Variants in PI4KA observed in about 807,000 individuals in gnomAD.
PI4KA encodes the protein PI4-kinase alpha.
In PI4KA, 122 loss-of-function variants were observed where a neutral mutation model predicts 271.4. That is an observed-to-expected ratio of 0.45 (90% CI 0.39 to 0.52). PI4KA has a LOEUF of 0.52. PI4KA is among the 20% of genes least tolerant of loss of function. The probability of loss-of-function intolerance (pLI) is 0.00; values close to 1 mark genes in which losing one functional copy is unlikely to be tolerated. For missense variants in PI4KA, 1,969 were observed against 2,769.1 expected, an observed-to-expected ratio of 0.71 and a Z score of 6.48; for synonymous variants, 1,041 against 1,078.8, an observed-to-expected ratio of 0.96 and a Z score of 0.69.
At chr22:20,758,376 A>C (rs1002972170) in intron 23 of PI4KA, among the ~76,000 whole-genome samples, 7 of 147,874 alleles carry the variant, frequency 4.7e-5, no homozygotes, top group South Asian at 4.3e-4. Flanking sequence ...AAAAAAAAAA[A>C]AAAAAAAAAA....
chr22:20,732,810 G>A (rs1291286731), intron 36 of PI4KA, among the ~76,000 whole-genome samples, 161 bp downstream of exon 36: 1 of 152,224 alleles, frequency 6.6e-6, no homozygotes, highest in South Asian at 2.1e-4. Flanking sequence ...AGCAGAGCCA[G>A]GCATGCACCG....
At chr22:20,744,754 C>T (rs368834560) in intron 29 of PI4KA, 34 bp from the exon 30 acceptor site, 2 of 1,531,010 alleles carry the variant, frequency 1.3e-6, no homozygotes, top group Admixed American at 1.7e-5. Context: ...TAGACTATGG[C>T]AGCACTATCC....
In PI4KA at chr22:20,824,325, C is replaced by T; in HGVS notation, c.456+1G>A. Reference sequence around the variant, plus strand: ...TACCAAATCAACCAACACATGCTTACCTCATCCCTAAGTGAAGGATCCCTA... The same window carrying T: ...TACCAAATCAACCAACACATGCTTATCTCATCCCTAAGTGAAGGATCCCTA... On this transcript the variant is annotated splice_donor_variant, in intron 4 of 54. Transcript: ENST00000255882. LOFTEE classifies it high-confidence loss of function. 6.3e-7 allele frequency: 1 copy of T among 1,595,746 alleles called. No homozygotes were observed. Among genetic ancestry groups the T allele is most frequent in the Non-Finnish European group, 8.6e-7 (1 of 1,163,384 alleles).
chr22:20,760,620 A>T (rs996297139), intron 23 of PI4KA, among the ~76,000 whole-genome samples: 1 of 152,184 alleles, frequency 6.6e-6, no homozygotes, highest in Non-Finnish European at 1.5e-5. Context: ...AATCTAGAGG[A>T]CACTTCCATC....
intron 9 of PI4KA, among the ~76,000 whole-genome samples, chr22:20,810,494 G>A (rs1935937136): frequency 6.6e-6 from 1 of 150,974 alleles, no homozygotes; most frequent in Non-Finnish European, 1.5e-5. Flanking sequence ...GGGCGACAGA[G>A]CGAGACTCCA....
At chr22:20,735,743 GCT>G (rs1928633709) in intron 32 of PI4KA, among the ~76,000 whole-genome samples, 1 of 152,246 alleles carries the variant, frequency 6.6e-6, no homozygotes. Flanking sequence ...CCGGGGCGGG[GCT>G]CTGTCTGCTG....
chr22:20,732,058 C>T (rs1353559631), intron 36 of PI4KA, among the ~76,000 whole-genome samples: 1 of 151,944 alleles, frequency 6.6e-6, no homozygotes, highest in African/African-American at 2.4e-5. Flanking sequence ...CCTGTAGTCC[C>T]AGCTACTCAG....
intron 3 of PI4KA, among the ~76,000 whole-genome samples, chr22:20,824,628 G>A (rs1489803308): frequency 6.6e-6 from 1 of 151,858 alleles, no homozygotes; most frequent in Non-Finnish European, 1.5e-5. Flanking sequence ...AAATGTTTTG[G>A]TTCAATAAAC....
intron 2 of PI4KA, among the ~76,000 whole-genome samples, chr22:20,837,496 T>C (rs1262925090): frequency 3.9e-5 from 6 of 152,216 alleles, no homozygotes. Flanking sequence ...ATAATTAAAA[T>C]TCTTATTTGT....
Position 20,711,442 on chromosome 22 carries a change from C to T in PI4KA, c.5822G>A (p.Arg1941Gln), listed in dbSNP as rs1239351436. The change falls in exon 51 of 55, where the codon CGA (arginine) becomes CAA (glutamine). Residue 1941 changes from arginine (R) to glutamine (Q), a missense_variant. This residue lies in a region of PI4KA where 110 missense variants were observed against 349.8 expected (regional missense o/e 0.31). Coordinates refer to ENST00000255882, the MANE Select transcript of PI4KA (RefSeq NM_058004.4). ...AFQQARYNFI[R>Q]SMAAYSLLLF... Reference sequence around the variant, plus strand: ...CAGGAGGCTGTAGGCGGCCATGCTTCGGATGAAGTTGTAGCGGGCCTGTGC... The same window carrying T: ...CAGGAGGCTGTAGGCGGCCATGCTTTGGATGAAGTTGTAGCGGGCCTGTGC... 8 of 1,392,958 alleles carry T rather than the reference C, an allele frequency of 5.7e-6. No individual in the cohort carries two copies. The highest frequency in any genetic ancestry group is 2.4e-5 in the East Asian group (1 of 41,806). 86.3% of individuals were successfully genotyped at this position (1,392,958 alleles called of 1,614,324 possible).
At position 20,742,715 on chromosome 22, in the gene PI4KA, A is replaced by G; in HGVS notation, c.3506T>C (p.Leu1169Pro). 1 of 1,614,062 alleles carries G rather than the reference A, an allele frequency of 6.2e-7. No homozygotes were observed. Among genetic ancestry groups the G allele is most frequent in the Non-Finnish European group, 8.5e-7 (1 of 1,179,928 alleles). ...TAGATCCTGGACCATCATTTTGTTC[A>G]GGTCAGACATCTGGCCTGTGGTGCC... ...FSGTTGQMSD[L>P]NKMMVQDLHS... Residue 1169 changes from leucine to proline, a missense_variant, in exon 31 of 55, where the codon CTG becomes CCG. Transcript: ENST00000255882.
Position 20,813,450 on chromosome 22 carries a change from T to C in PI4KA, c.913A>G (p.Ser305Gly). Residue 305 changes from serine (S) to glycine (G), a missense_variant, in exon 8 of 55, where the codon AGC becomes GGC. This residue lies in a region of PI4KA where 540 missense variants were observed against 555.5 expected (regional missense o/e 0.97). Coordinates refer to ENST00000255882, the MANE Select transcript of PI4KA (RefSeq NM_058004.4). ...LEPEYYFSTI[S>G]SSFSVSPLFN... is the part of the protein sequence containing the mutation. ...AGGGGAGAGACTGAGAAGCTGGAGC[T>C]GATGGTTGAAAAGTAGTACTCAGGC... 1 of 1,613,822 alleles carries C rather than the reference T, an allele frequency of 6.2e-7. No individual in the cohort carries two copies.
At chr22:20,798,909 T>G in intron 16 of PI4KA, 184 bp downstream of exon 16, 1 of 629,262 alleles carries the variant, frequency 1.6e-6, no homozygotes, top group Non-Finnish European at 2.8e-6. Flanking sequence ...GACAAGAAAT[T>G]AAACCTCTTT....
intron 1 of PI4KA, among the ~76,000 whole-genome samples, chr22:20,843,376 G>C (rs1377991825): frequency 6.6e-6 from 1 of 152,108 alleles, no homozygotes; most frequent in Non-Finnish European, 1.5e-5. Context: ...TGTAGTCCTA[G>C]ATGCTCGGGG....
intron 42 of PI4KA, among the ~76,000 whole-genome samples, chr22:20,724,684 G>C (rs1168735361): frequency 6.6e-6 from 1 of 152,166 alleles, no homozygotes; most frequent in Non-Finnish European, 1.5e-5. Flanking sequence ...GCTGAGTCCT[G>C]AGTTGGTACA....
intron 13 of PI4KA, 109 bp downstream of exon 13, chr22:20,803,082 G>A: frequency 9.1e-7 from 1 of 1,101,886 alleles, no homozygotes; most frequent in Non-Finnish European, 1.4e-6. Flanking sequence ...CAGAAGGAAA[G>A]GTGTGGCGAA....
At position 20,785,896 on chromosome 22, in the gene PI4KA, T is replaced by TA; in HGVS notation, c.2328+7296dup. 3 of 1,462,992 alleles carry TA rather than the reference T, an allele frequency of 2.1e-6. No individual in the cohort carries two copies. The East Asian group carries it at 6.8e-5, about 33-fold the overall frequency. 90.6% of individuals were successfully genotyped at this position (1,462,992 alleles called of 1,614,324 possible). On this transcript the variant is annotated intron_variant, in intron 19 of 54. Coordinates refer to ENST00000255882, the MANE Select transcript of PI4KA (RefSeq NM_058004.4). The stretch of plus-strand genomic sequence containing the variant: ...GGAATATAAATTTTAATAAGTGCTA[T>TA]ATCAATTCTGTGATAAATATAACCC...
chr22:20,717,582 A>G (rs1926162736), intron 45 of PI4KA, 126 bp downstream of exon 45: 2 of 780,208 alleles, frequency 2.6e-6, no homozygotes, highest in Non-Finnish European at 4.4e-6. Context: ...GGGCCCAAGC[A>G]GGTGTGGGGC....
intron 50 of PI4KA, among the ~76,000 whole-genome samples, 171 bp from the exon 51 acceptor site, chr22:20,711,632 G>A (rs570707505): frequency 6.6e-6 from 1 of 152,262 alleles, no homozygotes; most frequent in Admixed American, 6.5e-5. Context: ...AGTGACAGGG[G>A]CTCTCTGTGG....
Sources: allele counts gnomAD v4.1 joint callset (sites outside exome capture counted in the v4.1 genomes callset), GRCh38; gene constraint gnomAD v4.1.1; regional missense constraint gnomAD v4.1.1; transcripts MANE v1.5; gene names NCBI Gene and HGNC (gene_info 2026-07-23, HGNC 2026-07-21).